ZMYND8: variants seen among roughly 807,000 people sequenced by gnomAD.
The protein encoded by ZMYND8 is MYND-type zinc finger-containing chromatin reader ZMYND8.
A neutral mutation model predicts 140.8 loss-of-function variants in ZMYND8; 37 were observed. The observed-to-expected ratio is 0.26, with a 90% CI of 0.20 to 0.35. ZMYND8 has a LOEUF of 0.35. ZMYND8 is among the 10% of genes least tolerant of loss of function. The pLI, the probability that ZMYND8 is intolerant of heterozygous loss-of-function variation, is 1.00. For synonymous variants in ZMYND8, 592 were observed against 597.1 expected (o/e 0.99, Z 0.12); for missense variants, 1,068 against 1,570.0 (o/e 0.68, Z 5.40).
intron 2 of ZMYND8, among the ~76,000 whole-genome samples, chr20:47,342,390 C>CA (rs1417441761): frequency 7.2e-6 from 1 of 139,292 alleles, no homozygotes; most frequent in East Asian, 2.2e-4. Context: ...ACTAAAAATA[C>CA]AAAAAAATTA....
intron 2 of ZMYND8, among the ~76,000 whole-genome samples, chr20:47,312,758 C>A (rs1368886141): frequency 6.6e-6 from 1 of 151,098 alleles, no homozygotes; most frequent in Non-Finnish European, 1.5e-5. Context: ...CCGCTGCACT[C>A]CAGTCTGGGC....
At chr20:47,300,237 T>C (rs2077924149) in intron 3 of ZMYND8, among the ~76,000 whole-genome samples, 1 of 152,208 alleles carries the variant, frequency 6.6e-6, no homozygotes. Context: ...CAAAAAGACC[T>C]GGTAACTAGC....
At chr20:47,235,639 G>A (rs1056553284) in intron 16 of ZMYND8, among the ~76,000 whole-genome samples, 4 of 151,854 alleles carry the variant, frequency 2.6e-5, no homozygotes, top group South Asian at 4.2e-4. Flanking sequence ...CCCAGGAGGC[G>A]GAGGTTGCAG....
chr20:47,330,440 G>A (rs6066274), intron 2 of ZMYND8, among the ~76,000 whole-genome samples: 2 of 148,928 alleles, frequency 1.3e-5, no homozygotes, highest in Non-Finnish European at 3.0e-5. Context: ...CTGGGCTTAA[G>A]CTATCCTCCT....
chr20:47,315,800 A>G (rs909394335), intron 2 of ZMYND8, among the ~76,000 whole-genome samples: 3 of 152,160 alleles, frequency 2.0e-5, no homozygotes, highest in African/African-American at 7.2e-5. Context: ...CTGAGGGAGT[A>G]GGACCTGTGA....
intron 7 of ZMYND8, among the ~76,000 whole-genome samples, chr20:47,288,669 A>G (rs1330036707): frequency 1.3e-5 from 2 of 152,174 alleles, no homozygotes; most frequent in African/African-American, 4.8e-5. Flanking sequence ...CTGTGATTAT[A>G]GGCATGAGCC....
intron 2 of ZMYND8, among the ~76,000 whole-genome samples, chr20:47,338,076 A>G (rs190679715): frequency 6.6e-6 from 1 of 152,216 alleles, no homozygotes; most frequent in East Asian, 1.9e-4. Context: ...AGAGAAAAAC[A>G]CGTTGCCAGG....
chr20:47,322,938 T>C (rs184913905), intron 2 of ZMYND8, among the ~76,000 whole-genome samples: 20 of 152,260 alleles, frequency 1.3e-4, no homozygotes, highest in African/African-American at 4.8e-4. Flanking sequence ...CAACACAGCA[T>C]TGTCGTTCAG....
chr20:47,217,003 G>C lies in ZMYND8; in HGVS notation c.3484+3255C>G, dbSNP rs111866980. Reference sequence around the variant, plus strand: ...GTTAAGCACTGAGGCTCAGGTGCAGGTAAATCAAAAGCGGAAAGCTGGGGT... The same window carrying C: ...GTTAAGCACTGAGGCTCAGGTGCAGCTAAATCAAAAGCGGAAAGCTGGGGT... On this transcript the variant is annotated intron_variant, in intron 21 of 22. Transcript: ENST00000471951. 3.4e-3 allele frequency among the ~76,000 whole-genome samples: 515 copies of C among 152,326 alleles called. 6 individuals are homozygous for C. Among genetic ancestry groups the C allele is most frequent in the African/African-American group, 0.01 (427 of 41,562 alleles).
chr20:47,273,287 C>T (rs1441738301), intron 11 of ZMYND8, among the ~76,000 whole-genome samples: 2 of 152,112 alleles, frequency 1.3e-5, no homozygotes, highest in Non-Finnish European at 2.9e-5. Context: ...ATTTAAATTC[C>T]AGTGTCTGGA....
intron 12 of ZMYND8, among the ~76,000 whole-genome samples, chr20:47,258,350 A>G (rs1370122653): frequency 6.6e-6 from 1 of 152,242 alleles, no homozygotes; most frequent in Admixed American, 6.5e-5. Context: ...CCCAGTTTAC[A>G]CTTCTGTGAA....
intron 14 of ZMYND8, among the ~76,000 whole-genome samples, chr20:47,243,670 A>C (rs2040219840): frequency 6.6e-6 from 1 of 151,990 alleles, no homozygotes; most frequent in African/African-American, 2.4e-5. Context: ...GGATGTCTTT[A>C]TTTTCATCTT....
At chr20:47,329,670 C>CT (rs2080769270) in intron 2 of ZMYND8, among the ~76,000 whole-genome samples, 1 of 152,170 alleles carries the variant, frequency 6.6e-6, no homozygotes, top group African/African-American at 2.4e-5. Context: ...TCCCAAAGTG[C>CT]TGGGATTACA....
At chr20:47,221,237 G>A in intron 20 of ZMYND8, 77 bp downstream of exon 20, 1 of 1,559,888 alleles carries the variant, frequency 6.4e-7, no homozygotes, top group South Asian at 1.2e-5. Flanking sequence ...AACTTTCAGG[G>A]CGGCAGACAG....
At chr20:47,229,603 G>C (rs1332294375) in intron 17 of ZMYND8, 123 bp downstream of exon 17, 1 of 840,318 alleles carries the variant, frequency 1.2e-6, no homozygotes, top group Non-Finnish European at 1.9e-6. Flanking sequence ...AATCAGTAGA[G>C]CCAGCTTAGT....
At chr20:47,342,639 A>G (rs2081992348) in intron 2 of ZMYND8, among the ~76,000 whole-genome samples, 1 of 151,554 alleles carries the variant, frequency 6.6e-6, no homozygotes, top group Admixed American at 6.6e-5. Flanking sequence ...TGAGGTCAGG[A>G]GTTCGAGACT....
In ZMYND8 at chr20:47,283,419, C is replaced by T; in HGVS notation, c.882+152G>A. ...TAAGAGGTTTATCCTACCTGGATTA[C>T]TTTCCTTCTGCCATAATTTTATCAG... On this transcript the variant is annotated intron_variant, in intron 9 of 22. Coordinates refer to ENST00000471951, the MANE Select transcript of ZMYND8 (RefSeq NM_001281775.3). 4 of 748,904 alleles carry T rather than the reference C, an allele frequency of 5.3e-6. No homozygotes were observed. The South Asian group carries it at 7.0e-5, about 13-fold the overall frequency. The allele number at this position is 748,904 out of a possible 1,614,324, so 46.4% of individuals were successfully genotyped here.
chr20:47,228,808 A>T (rs2038063799), intron 17 of ZMYND8, among the ~76,000 whole-genome samples: 1 of 152,074 alleles, frequency 6.6e-6, no homozygotes, highest in Non-Finnish European at 1.5e-5. Context: ...GTCACCTTAA[A>T]TGACCTCTGT....
At chr20:47,323,043 A>T (rs188508511) in intron 2 of ZMYND8, among the ~76,000 whole-genome samples, 40 of 152,146 alleles carry the variant, frequency 2.6e-4, no homozygotes, top group African/African-American at 9.2e-4. Context: ...CCTCTCTGTG[A>T]CTCAGTCATT....
Sources: gnomAD v4.1 joint callset for allele counts (sites outside exome capture counted in the v4.1 genomes callset) on GRCh38, gnomAD v4.1.1 for gene constraint, MANE v1.5 for transcripts, NCBI Gene and HGNC (gene_info 2026-07-23, HGNC 2026-07-21) for gene names.